The following KCTD1 variants were observed in gnomAD, a reference collection of about 807,000 sequenced individuals.
The protein encoded by KCTD1 is potassium channel tetramerization domain containing 1, also known as BTB/POZ domain-containing protein KCTD1.
KCTD1 carries 24 observed loss-of-function variants against 66.0 expected under a neutral mutation model. That is an observed-to-expected ratio of 0.36 (90% confidence interval 0.26 to 0.51). The LOEUF (loss-of-function observed/expected upper bound fraction) is 0.51. Ranked by LOEUF, KCTD1 falls within the 20% of genes least tolerant of loss-of-function variation. The probability of loss-of-function intolerance (pLI) is 0.95; values close to 1 mark genes in which losing one functional copy is unlikely to be tolerated. For synonymous variants in KCTD1, 511 were observed against 517.2 expected (o/e 0.99, Z 0.16); for missense variants, 943 against 1,205.2 (o/e 0.78, Z 3.22).
At chr18:26,470,183 C>A (rs1226315179) in intron 3 of KCTD1, among the ~76,000 whole-genome samples, 1 of 152,162 alleles carries the variant, frequency 6.6e-6, no homozygotes, top group African/African-American at 2.4e-5. Context: ...AGGTGCTGAG[C>A]ATGTGGGACA....
intron 1 of KCTD1, among the ~76,000 whole-genome samples, chr18:26,624,144 A>T (rs1270671506): frequency 6.6e-6 from 1 of 152,242 alleles, no homozygotes; most frequent in East Asian, 1.9e-4. Flanking sequence ...TAAGAGTCAA[A>T]GCTTTCAAGA....
At chr18:26,584,201 G>A (rs1313211008) in intron 1 of KCTD1, among the ~76,000 whole-genome samples, 5 of 152,294 alleles carry the variant, frequency 3.3e-5, no homozygotes, top group South Asian at 2.1e-4. Context: ...ATTTCTTGGC[G>A]TGGATCCACC....
chr18:26,614,999 C>T (rs1448052994), intron 1 of KCTD1, among the ~76,000 whole-genome samples: 1 of 152,188 alleles, frequency 6.6e-6, no homozygotes, highest in African/African-American at 2.4e-5. Context: ...AAAATGAACT[C>T]AGCACTTTCT....
intron 1 of KCTD1, among the ~76,000 whole-genome samples, chr18:26,650,913 C>G (rs1988018609): frequency 6.6e-6 from 1 of 152,244 alleles, no homozygotes; most frequent in African/African-American, 2.4e-5. Context: ...CAGTTCATAA[C>G]TCTTCTTCTT....
rs1985297526 is a variant in KCTD1 at position 26,547,373 on chromosome 18, G to A, written c.1164C>T (p.Tyr388=). The part of the protein sequence containing the change: ...MYETGTEFCP[Y]ASFVKYLSKR... ...TCGACAGGTACTTGACGAAGCTGGC[G>A]TAGGGGCAGAACTCGGTGCCCGTCT... is the stretch of plus-strand genomic sequence containing the variant. The change falls in exon 1 of 5, where the codon TAC becomes TAT. Residue 388 remains tyrosine (Y), a synonymous_variant. Transcript: ENST00000580059. The A allele has an allele frequency of 1.9e-6, 3 of 1,551,306 alleles. No homozygotes were observed. The highest frequency in any genetic ancestry group is 2.4e-5 in the East Asian group (1 of 40,914).
At chr18:26,610,616 A>C (rs1326130499) in intron 1 of KCTD1, among the ~76,000 whole-genome samples, 2 of 144,154 alleles carry the variant, frequency 1.4e-5, no homozygotes, top group African/African-American at 5.0e-5. Context: ...GAAGGAAGGA[A>C]TGAAGGAAGG....
At chr18:26,473,030 G>A (rs1981153174) in intron 3 of KCTD1, among the ~76,000 whole-genome samples, 1 of 152,196 alleles carries the variant, frequency 6.6e-6, no homozygotes, top group Non-Finnish European at 1.5e-5. Flanking sequence ...CCTGCAGAGT[G>A]TTGTCTAATT....
At chr18:26,515,989 T>G (rs1261078969) in intron 1 of KCTD1, among the ~76,000 whole-genome samples, 1 of 152,066 alleles carries the variant, frequency 6.6e-6, no homozygotes, top group African/African-American at 2.4e-5. Context: ...TGACAGGGGC[T>G]GGGAGAACAC....
chr18:26,524,660 G>A (rs1334560594), intron 1 of KCTD1, among the ~76,000 whole-genome samples: 6 of 152,058 alleles, frequency 3.9e-5, no homozygotes, highest in East Asian at 1.9e-4. Context: ...TATGTGGTAT[G>A]TACATATATG....
chr18:26,497,723 T>C (rs1410537776), intron 2 of KCTD1, among the ~76,000 whole-genome samples: 3 of 152,202 alleles, frequency 2.0e-5, no homozygotes, highest in African/African-American at 7.2e-5. Context: ...GCAGCGTCAT[T>C]TGCTTTAGGT....
chr18:26,532,303 T>C (rs1984488655), intron 1 of KCTD1, among the ~76,000 whole-genome samples: 1 of 144,746 alleles, frequency 6.9e-6, no homozygotes, highest in Non-Finnish European at 1.5e-5. Context: ...AGGGCCTTGC[T>C]CTGTTGCCCA....
chr18:26,576,403 C>T (rs139259893), intron 1 of KCTD1, among the ~76,000 whole-genome samples: 2 of 152,244 alleles, frequency 1.3e-5, no homozygotes, highest in East Asian at 3.9e-4. Flanking sequence ...ATCCATTTAA[C>T]ACACATATAA....
intron 1 of KCTD1, among the ~76,000 whole-genome samples, chr18:26,589,194 T>C (rs1986541177): frequency 6.6e-6 from 1 of 152,100 alleles, no homozygotes; most frequent in Non-Finnish European, 1.5e-5. Context: ...TGAATGTGAG[T>C]GAGGGCAACA....
chr18:26,546,644 C>T, intron 1 of KCTD1, 84 bp downstream of exon 1: 1 of 1,420,846 alleles, frequency 7.0e-7, no homozygotes, highest in East Asian at 2.5e-5. Context: ...AAACTTCCCC[C>T]CTACCCAGAG....
rs1233108144 is a variant in KCTD1 at position 26,476,167 on chromosome 18, G to T, written c.2133+348C>A. ...AATTTTACTGTTCATGTTTGCTTTC[G>T]ATTTCTAGGGGCGGGGACGGGGAAG... is the stretch of plus-strand genomic sequence containing the variant. On this transcript the variant is annotated intron_variant, in intron 3 of 4. Coordinates refer to ENST00000580059, the MANE Select transcript of KCTD1 (RefSeq NM_001142730.3). The surrounding 1 kb of genome is among the most constrained non-coding windows in gnomAD (Gnocchi z 4.9). 2.6e-5 allele frequency among the ~76,000 whole-genome samples: 4 copies of T among 152,144 alleles called. No individual in the cohort carries two copies. The highest frequency in any genetic ancestry group is 5.9e-5 in the Non-Finnish European group (4 of 68,030).
chr18:26,624,556 C>T (rs1477556592), intron 1 of KCTD1, among the ~76,000 whole-genome samples: 1 of 152,258 alleles, frequency 6.6e-6, no homozygotes, highest in African/African-American at 2.4e-5. Flanking sequence ...CCTGTGGGTA[C>T]ACAGAAGTCA....
chr18:26,625,886 C>T (rs1290865862), intron 1 of KCTD1, among the ~76,000 whole-genome samples: 3 of 152,096 alleles, frequency 2.0e-5, no homozygotes, highest in Non-Finnish European at 2.9e-5. Flanking sequence ...CCATATATTC[C>T]CCTTCCTTGG....
chr18:26,634,003 G>A (rs1185856336), upstream of KCTD1, among the ~76,000 whole-genome samples: 1 of 152,104 alleles, frequency 6.6e-6, no homozygotes, highest in Non-Finnish European at 1.5e-5. Flanking sequence ...AAAGAACTAC[G>A]CTACACTCAA....
At chr18:26,478,251 A>G (rs921098021) in intron 2 of KCTD1, among the ~76,000 whole-genome samples, 14 of 152,236 alleles carry the variant, frequency 9.2e-5, no homozygotes, top group Non-Finnish European at 1.9e-4. Flanking sequence ...TATATATGTA[A>G]CAAATCCATT....
Sources: gnomAD v4.1 joint callset for allele counts (sites outside exome capture counted in the v4.1 genomes callset) on GRCh38, gnomAD v4.1.1 for gene constraint, Gnocchi (gnomAD v3.1) non-coding constraint, MANE v1.5 for transcripts, NCBI Gene and HGNC (gene_info 2026-07-23, HGNC 2026-07-21) for gene names.